The following UGGT2 variants were observed in gnomAD, a reference collection of about 807,000 sequenced individuals.
UGGT2 encodes the protein UDP-glucose glycoprotein glucosyltransferase 2, also known as UDP-glucose:glycoprotein glucosyltransferase 2.
UGGT2 carries 180 observed loss-of-function variants against 192.1 expected under a neutral mutation model. The observed-to-expected ratio is 0.94, with a 90% CI of 0.83 to 1.06. The LOEUF (loss-of-function observed/expected upper bound fraction) is 1.06, where lower values mean the gene tolerates loss of function less well. Ranked by LOEUF, UGGT2 falls within the 50% of genes least tolerant of loss-of-function variation. The pLI is 0.00. For missense variants in UGGT2, 1,849 were observed against 1,795.7 expected (o/e 1.03, Z -0.54); for synonymous variants, 580 against 591.0 (o/e 0.98, Z 0.27).
chr13:95,929,472 C>T (rs1035202487), intron 17 of UGGT2, among the ~76,000 whole-genome samples: 2 of 152,082 alleles, frequency 1.3e-5, no homozygotes, highest in African/African-American at 4.8e-5. Flanking sequence ...TCTAGAAATC[C>T]CCAGTGTCTC....
At chr13:95,864,970 C>G (rs903406428) in intron 30 of UGGT2, among the ~76,000 whole-genome samples, 1 of 152,282 alleles carries the variant, frequency 6.6e-6, no homozygotes, top group East Asian at 1.9e-4. Flanking sequence ...AATAATTTTC[C>G]TCAAAATACT....
intron 20 of UGGT2, among the ~76,000 whole-genome samples, chr13:95,905,866 T>A (rs914419276): frequency 1.3e-5 from 2 of 152,176 alleles, no homozygotes; most frequent in African/African-American, 4.8e-5. Context: ...AGCTCTATAA[T>A]CCATCTGGAA....
At chr13:95,979,224 A>C (rs1231095438) in intron 10 of UGGT2, among the ~76,000 whole-genome samples, 1 of 152,190 alleles carries the variant, frequency 6.6e-6, no homozygotes, top group East Asian at 1.9e-4. Context: ...CAGCAAATTA[A>C]CAACAATTAT....
At chr13:95,817,677 A>G (rs568891089) in intron 38 of UGGT2, among the ~76,000 whole-genome samples, 27 of 152,324 alleles carry the variant, frequency 1.8e-4, no homozygotes, top group African/African-American at 3.8e-4. Flanking sequence ...GGCTGAAGAC[A>G]TGCAAAAGCA....
chr13:95,846,431 A>AG (rs1173676733), intron 36 of UGGT2, among the ~76,000 whole-genome samples: 22 of 126,282 alleles, frequency 1.7e-4, no homozygotes, highest in African/African-American at 5.3e-4. Flanking sequence ...GGAGGAGGGG[A>AG]GGGGGGGAGG....
Position 95,996,120 on chromosome 13 carries a change from G to A in UGGT2, c.773C>T (p.Thr258Ile), listed in dbSNP as rs1391866664. Reference protein sequence around the residue: ...DTQVKTVTNTTVEDETETNEV... With the variant: ...DTQVKTVTNTIVEDETETNEV... ...ATTTGTTTCAGTCTCATCCTCTACA[G>A]TAGTATTAGTCACAGCTACATTTTG... Residue 258 changes from threonine (T) to isoleucine (I), a missense_variant, in exon 7 of 39, where the codon ACT becomes ATT. Physicochemically the swap from Thr to Ile is moderately conservative, Grantham distance 89 (BLOSUM62 -1). Coordinates refer to ENST00000376747, the MANE Select transcript of UGGT2 (RefSeq NM_020121.4). 2.5e-6 allele frequency: 4 copies of A among 1,612,374 alleles called. No homozygotes were observed. The highest frequency in any genetic ancestry group is 3.4e-6 in the Non-Finnish European group (4 of 1,179,472).
intron 12 of UGGT2, among the ~76,000 whole-genome samples, chr13:95,952,928 G>A (rs970877818): frequency 1.3e-5 from 2 of 152,148 alleles, no homozygotes; most frequent in African/African-American, 4.8e-5. Context: ...TGATCCAAAT[G>A]TCTTGATGTC....
At chr13:96,041,135 C>T (rs2053152552) in intron 1 of UGGT2, among the ~76,000 whole-genome samples, 1 of 152,120 alleles carries the variant, frequency 6.6e-6, no homozygotes, top group African/African-American at 2.4e-5. Context: ...ATGAATTGCT[C>T]CTGTAGGACC....
At chr13:95,872,715 A>G (rs1429410715) in intron 29 of UGGT2, among the ~76,000 whole-genome samples, 1 of 152,222 alleles carries the variant, frequency 6.6e-6, no homozygotes, top group Non-Finnish European at 1.5e-5. Context: ...AGAAAAAACA[A>G]TTTTCACTAA....
intron 20 of UGGT2, among the ~76,000 whole-genome samples, chr13:95,908,974 G>T (rs2048384764): frequency 1.4e-5 from 2 of 146,508 alleles, no homozygotes; most frequent in Admixed American, 6.9e-5. Context: ...TGTCAATTTT[G>T]GCTTTTGTTG....
chr13:95,944,271 A>G (rs2049790595), intron 15 of UGGT2, among the ~76,000 whole-genome samples: 1 of 152,044 alleles, frequency 6.6e-6, no homozygotes, highest in African/African-American at 2.4e-5. Context: ...AATTTAGGTA[A>G]TATTTCCTCT....
chr13:95,912,273 A>T (rs770574190), intron 20 of UGGT2, among the ~76,000 whole-genome samples: 3 of 152,192 alleles, frequency 2.0e-5, no homozygotes, highest in Non-Finnish European at 4.4e-5. Context: ...AGGGTGTTCA[A>T]TTAGAAAATG....
chr13:95,803,870 GA>G (rs1271591230), intron 38 of UGGT2, among the ~76,000 whole-genome samples: 2 of 151,654 alleles, frequency 1.3e-5, no homozygotes, highest in Non-Finnish European at 2.9e-5. Context: ...AGTAACAAAA[GA>G]AAAAAGGGCC....
chr13:95,952,660 G>A (rs1343335646), intron 12 of UGGT2, among the ~76,000 whole-genome samples: 1 of 152,052 alleles, frequency 6.6e-6, no homozygotes, highest in Non-Finnish European at 1.5e-5. Flanking sequence ...TGATCTTATT[G>A]AAACCTATTT....
At chr13:95,828,291 G>C (rs77762211) in intron 38 of UGGT2, among the ~76,000 whole-genome samples, 3 of 152,078 alleles carry the variant, frequency 2.0e-5, no homozygotes, top group African/African-American at 7.2e-5. Flanking sequence ...GCATCCAAAA[G>C]CTAGCAAAAG....
intron 1 of UGGT2, among the ~76,000 whole-genome samples, chr13:96,042,471 CA>C (rs1188424972): frequency 6.6e-6 from 1 of 151,902 alleles, no homozygotes; most frequent in Admixed American, 6.6e-5. Flanking sequence ...TAACACCCCC[CA>C]AAAAAATCAC....
chr13:96,024,178 G>T (rs1402209070), intron 2 of UGGT2, among the ~76,000 whole-genome samples: 1 of 152,160 alleles, frequency 6.6e-6, no homozygotes, highest in East Asian at 1.9e-4. Flanking sequence ...GAGATTTAGT[G>T]CCAATAGCCA....
intron 38 of UGGT2, among the ~76,000 whole-genome samples, chr13:95,813,536 T>C (rs1410352455): frequency 1.3e-5 from 2 of 152,192 alleles, no homozygotes; most frequent in Non-Finnish European, 2.9e-5. Context: ...AAAGAAATGA[T>C]TTAAAGTTGG....
At chr13:95,992,748 G>C (rs2051497379) in intron 7 of UGGT2, among the ~76,000 whole-genome samples, 1 of 152,080 alleles carries the variant, frequency 6.6e-6, no homozygotes, top group African/African-American at 2.4e-5. Context: ...AGTCAGAATG[G>C]CTATTATCAA....
Sources: allele counts gnomAD v4.1 joint callset (sites outside exome capture counted in the v4.1 genomes callset), GRCh38; gene constraint gnomAD v4.1.1; transcripts MANE v1.5; gene names NCBI Gene and HGNC (gene_info 2026-07-23, HGNC 2026-07-21).